The following SLC25A36 variants were observed in gnomAD, a reference collection of about 807,000 sequenced individuals.
The protein encoded by SLC25A36 is solute carrier family 25 member 36, also known as epididymis secretory sperm binding protein.
Under a neutral mutation model 35.3 loss-of-function variants are expected in SLC25A36, and 24 were observed. The ratio of observed to expected loss-of-function variants is 0.68; its 90% CI spans 0.49 to 0.96. The LOEUF is 0.96. SLC25A36 is among the 40% of genes least tolerant of loss of function. SLC25A36 has a pLI of 0.00. For missense variants in SLC25A36, 294 were observed against 381.1 expected, an observed-to-expected ratio of 0.77 and a Z score of 1.90; for synonymous variants, 141 against 132.2, an observed-to-expected ratio of 1.07 and a Z score of -0.46.
intron 5 of SLC25A36, 39 bp from the exon 6 acceptor site, chr3:140,973,677 A>G (rs1262986562): frequency 2.2e-6 from 3 of 1,374,204 alleles, no homozygotes; most frequent in Non-Finnish European, 1.9e-6. Context: ...TACTTACTTT[A>G]AAAAACCTAT....
intron 1 of SLC25A36, among the ~76,000 whole-genome samples, chr3:140,950,579 A>G (rs1934291648): frequency 6.6e-6 from 1 of 152,194 alleles, no homozygotes; most frequent in Non-Finnish European, 1.5e-5. Flanking sequence ...CTATGTAAGA[A>G]AAGGGTATAC....
chr3:140,943,857 A>G (rs1303419407), intron 1 of SLC25A36, among the ~76,000 whole-genome samples: 1 of 152,204 alleles, frequency 6.6e-6, no homozygotes, highest in Non-Finnish European at 1.5e-5. Context: ...TAGGATCATC[A>G]TTTTGTTATA....
At chr3:140,968,768 T>C (rs551720264) in intron 4 of SLC25A36, 35 of 922,884 alleles carry the variant, frequency 3.8e-5, no homozygotes, top group Middle Eastern at 5.6e-4. Context: ...AGTAGAACTT[T>C]TATTTAAAAA....
chr3:140,973,881 A>G lies in SLC25A36; in HGVS notation c.618A>G (p.Glu206=). Residue 206 remains glutamate, a synonymous_variant, in exon 6 of 7, where the codon GAA becomes GAG. Transcript: ENST00000324194. The part of the protein sequence containing the change: ...IYESIKQKLL[E]YKTASTMEND... ...AAAGTATAAAACAAAAACTACTGGA[A>G]TATAAGACTGCTTCTACAATGGAAA... is the stretch of plus-strand genomic sequence containing the variant. 2 of 1,613,542 alleles carry G rather than the reference A, an allele frequency of 1.2e-6. No homozygotes were observed. The highest frequency in any genetic ancestry group is 1.1e-5 in the South Asian group (1 of 91,056).
chr3:140,967,848 GTTC>G lies in SLC25A36; in HGVS notation c.386-3073_386-3071del, dbSNP rs773493129. On this transcript the variant is annotated intron_variant, in intron 4 of 6. Coordinates refer to ENST00000324194, the MANE Select transcript of SLC25A36 (RefSeq NM_001104647.3). Reference sequence around the variant, plus strand: ...TTTAACTGACTGTGGAGCAATATTAGTTCTTCTTAACTTACAAATGGATCCCTC... The same window carrying G: ...TTTAACTGACTGTGGAGCAATATTAGTTCTTAACTTACAAATGGATCCCTC... The G allele has an allele frequency of 2.7e-4, 89 of 335,452 alleles. 2 individuals are homozygous for G. In the East Asian group the frequency reaches 2.7e-3, roughly 10 times the overall value. 20.8% of individuals were successfully genotyped at this position (335,452 alleles called of 1,614,324 possible).
chr3:140,946,388 A>G (rs115660678), intron 1 of SLC25A36, among the ~76,000 whole-genome samples: 1 of 152,326 alleles, frequency 6.6e-6, no homozygotes, highest in African/African-American at 2.4e-5. Flanking sequence ...GAGCCTTCTT[A>G]AGCCTTTAAA....
chr3:140,961,248 T>A (rs541426634), intron 3 of SLC25A36, among the ~76,000 whole-genome samples: 1 of 152,312 alleles, frequency 6.6e-6, no homozygotes, highest in Non-Finnish European at 1.5e-5. Context: ...TTTTCTCGGT[T>A]ATCATATACA....
intron 1 of SLC25A36, among the ~76,000 whole-genome samples, chr3:140,949,419 A>G (rs1011435789): frequency 5.9e-5 from 9 of 152,234 alleles, no homozygotes; most frequent in Non-Finnish European, 2.9e-5. Context: ...TAAATGTCTT[A>G]TAAAATGCTT....
intron 1 of SLC25A36, among the ~76,000 whole-genome samples, chr3:140,954,003 T>C (rs1408770571): frequency 1.3e-5 from 2 of 152,066 alleles, no homozygotes; most frequent in Non-Finnish European, 2.9e-5. Context: ...TTGAACAGTT[T>C]TTGTTATTCC....
At chr3:140,952,142 G>T (rs1576478278) in intron 1 of SLC25A36, among the ~76,000 whole-genome samples, 1 of 151,714 alleles carries the variant, frequency 6.6e-6, no homozygotes, top group Non-Finnish European at 1.5e-5. Context: ...TCAGCCTCCG[G>T]AGTAGCTGGG....
intron 1 of SLC25A36, among the ~76,000 whole-genome samples, chr3:140,953,575 G>A (rs191059445): frequency 1.3e-3 from 192 of 152,148 alleles, no homozygotes; most frequent in African/African-American, 4.2e-3. Context: ...TCAAGGTATC[G>A]TTTACATACA....
intron 1 of SLC25A36, among the ~76,000 whole-genome samples, chr3:140,946,479 G>A (rs913744566): frequency 6.6e-6 from 1 of 152,172 alleles, no homozygotes; most frequent in Non-Finnish European, 1.5e-5. Context: ...CTATGCGTGG[G>A]ACAGGGGCAG....
chr3:140,972,476 C>T (rs1934929889), intron 5 of SLC25A36, among the ~76,000 whole-genome samples: 1 of 151,582 alleles, frequency 6.6e-6, no homozygotes, highest in Non-Finnish European at 1.5e-5. Flanking sequence ...GCCTGGGCAA[C>T]ATTGCAAGAC....
At chr3:140,945,212 A>G (rs1284485906) in intron 1 of SLC25A36, among the ~76,000 whole-genome samples, 1 of 152,188 alleles carries the variant, frequency 6.6e-6, no homozygotes, top group Non-Finnish European at 1.5e-5. Context: ...CTGGTGTCTT[A>G]TAAAGGTACT....
chr3:140,968,031 T>G (rs765287298), intron 4 of SLC25A36: 60 of 984,640 alleles, frequency 6.1e-5, no homozygotes, highest in Non-Finnish European at 7.2e-5. Flanking sequence ...TCTTTGTGTG[T>G]GTTTGTCATA....
At chr3:140,949,117 C>T (rs1375760861) in intron 1 of SLC25A36, among the ~76,000 whole-genome samples, 2 of 152,082 alleles carry the variant, frequency 1.3e-5, no homozygotes, top group Admixed American at 6.6e-5. Flanking sequence ...TTACACTGTG[C>T]CTAGCTTCAA....
chr3:140,978,793 A>G lies in SLC25A36; in HGVS notation c.*2340A>G, dbSNP rs565073370. 5 of 152,308 alleles carry G rather than the reference A, an allele frequency of 3.3e-5. No homozygotes were observed. Among genetic ancestry groups the G allele is most frequent in the African/African-American group, 1.2e-4 (5 of 41,568 alleles). 9.4% of individuals were successfully genotyped at this position (152,308 alleles called of 1,614,324 possible). A position where few individuals can be genotyped will look rare whatever the true frequency, so the allele number is the denominator to read the frequency against. ...CCCTAAGCACAATCTGCAATAGTTTATGTATGACAGAGATAATTCAAAAAG... is the reference window on the plus strand; with the variant it reads ...CCCTAAGCACAATCTGCAATAGTTTGTGTATGACAGAGATAATTCAAAAAG... On this transcript the variant is annotated 3_prime_UTR_variant, in exon 7 of 7. Coordinates refer to ENST00000324194, the MANE Select transcript of SLC25A36 (RefSeq NM_001104647.3).
intron 3 of SLC25A36, among the ~76,000 whole-genome samples, chr3:140,960,114 C>T (rs1164098372): frequency 1.3e-5 from 2 of 152,020 alleles, no homozygotes; most frequent in Non-Finnish European, 1.5e-5. Flanking sequence ...GAAATACTCT[C>T]GTAGCTAGTG....
rs1576491899 is a variant in SLC25A36, at chr3:140,978,096, G to A, written c.*1643G>A. 6.6e-6 allele frequency: 1 copy of A among 152,156 alleles called. No individual in the cohort carries two copies. The highest frequency in any genetic ancestry group is 1.9e-4 in the East Asian group (1 of 5,168). The allele number at this position is 152,156 out of a possible 1,614,324, so 9.4% of individuals were successfully genotyped here. A position where few individuals can be genotyped will look rare whatever the true frequency, so the allele number is the denominator to read the frequency against. On this transcript the variant is annotated 3_prime_UTR_variant, in exon 7 of 7. Coordinates refer to ENST00000324194, the MANE Select transcript of SLC25A36 (RefSeq NM_001104647.3). ...TTATAGAATATTGCAGCGTGTCATT[G>A]CAAGCTTTCTCTGCTGTCACCAGTG...
Sources: gnomAD v4.1 joint callset for allele counts (sites outside exome capture counted in the v4.1 genomes callset) on GRCh38, gnomAD v4.1.1 for gene constraint, MANE v1.5 for transcripts, NCBI Gene and HGNC (gene_info 2026-07-23, HGNC 2026-07-21) for gene names.